NDST3: variants seen among roughly 807,000 people sequenced by gnomAD.
The protein encoded by NDST3 is bifunctional heparan sulfate N-deacetylase/N-sulfotransferase 3.
A neutral mutation model predicts 96.1 loss-of-function variants in NDST3; 58 were observed. The observed-to-expected ratio is 0.60, with a 90% CI of 0.49 to 0.75. The LOEUF (loss-of-function observed/expected upper bound fraction) is 0.75, where lower values mean the gene tolerates loss of function less well. Among genes scored for constraint, NDST3 ranks in the 30% least tolerant of loss-of-function variants. The pLI, the probability that NDST3 is intolerant of heterozygous loss-of-function variation, is 0.00. For missense variants in NDST3, 788 were observed against 1,034.2 expected (o/e 0.76, Z 3.27); for synonymous variants, 333 against 359.7 (o/e 0.93, Z 0.84).
chr4:118,252,898 G>C (rs973228557), intron 12 of NDST3, among the ~76,000 whole-genome samples: 1 of 151,616 alleles, frequency 6.6e-6, no homozygotes, highest in African/African-American at 2.4e-5. Flanking sequence ...TCTCAAAAAA[G>C]AGAAAGAAAA....
In NDST3 at chr4:118,242,127, T is replaced by C; in HGVS notation, c.2377T>C (p.Tyr793His). Residue 793 changes from tyrosine (Y) to histidine (H), a missense_variant, in exon 12 of 14, where the codon TAT becomes CAT. By Grantham distance (83) the Tyr-to-His change is moderately conservative. Around this residue, in one of 3 missense-constraint regions of NDST3, gnomAD observed 490 missense variants for 708.8 expected, o/e 0.69. Coordinates refer to ENST00000296499, the MANE Select transcript of NDST3 (RefSeq NM_004784.3). ...VQKFLGVLPHYNYSEALTFDS... is the reference protein window; with the variant it reads ...VQKFLGVLPHHNYSEALTFDS... ...GAAGTTTCTAGGAGTCTTGCCTCATTATAATTACTCAGAAGCTTTAACGTA... is the reference window on the plus strand; with the variant it reads ...GAAGTTTCTAGGAGTCTTGCCTCATCATAATTACTCAGAAGCTTTAACGTA... 1 of 1,603,080 alleles carries C rather than the reference T, an allele frequency of 6.2e-7. No individual in the cohort carries two copies. The highest frequency in any genetic ancestry group is 8.5e-7 in the Non-Finnish European group (1 of 1,170,452).
At chr4:118,051,219 C>T (rs1188125065) in intron 1 of NDST3, among the ~76,000 whole-genome samples, 1 of 151,938 alleles carries the variant, frequency 6.6e-6, no homozygotes, top group African/African-American at 2.4e-5. Flanking sequence ...CAAAAATTAA[C>T]TCAAGGTAAT....
rs1235910807 is a variant in NDST3 at position 118,255,733 on chromosome 4, C to G, written c.*21C>G. ...GATAGCACTGAGAGAAAACTTGAGA[C>G]TTCATCGTCCATGTAGAACACACCT... On this transcript the variant is annotated 3_prime_UTR_variant, in exon 14 of 14. Transcript: ENST00000296499. The G allele has an allele frequency of 2.5e-6, 4 of 1,600,760 alleles. No homozygotes were observed. In the Admixed American group the frequency reaches 6.9e-5, roughly 28 times the overall value.
intron 1 of NDST3, among the ~76,000 whole-genome samples, chr4:118,049,684 C>T (rs1006398852): frequency 6.6e-6 from 1 of 150,966 alleles, no homozygotes; most frequent in African/African-American, 2.4e-5. Flanking sequence ...GAGTTTGAAA[C>T]TCTGAAAAGA....
intron 4 of NDST3, among the ~76,000 whole-genome samples, chr4:118,127,603 T>C (rs533053513): frequency 6.6e-6 from 1 of 152,176 alleles, no homozygotes; most frequent in African/African-American, 2.4e-5. Flanking sequence ...AACTCCTTAG[T>C]ATAACGTGAA....
intron 5 of NDST3, among the ~76,000 whole-genome samples, chr4:118,140,974 T>C (rs1694618325): frequency 6.6e-6 from 1 of 152,202 alleles, no homozygotes; most frequent in South Asian, 2.1e-4. Context: ...ACTTACTGTT[T>C]TTAATGGAAA....
chr4:118,251,358 C>T (rs1741724144), intron 12 of NDST3, among the ~76,000 whole-genome samples: 1 of 151,686 alleles, frequency 6.6e-6, no homozygotes, highest in African/African-American at 2.4e-5. Flanking sequence ...GATCTCCTGA[C>T]CTCGTGATCC....
chr4:118,065,864 C>T (rs1465456050), intron 2 of NDST3, among the ~76,000 whole-genome samples: 2 of 150,540 alleles, frequency 1.3e-5, no homozygotes, highest in South Asian at 2.1e-4. Flanking sequence ...CTTTTTCCCC[C>T]CTTCATACAT....
chr4:118,086,584 C>CA (rs1461042309), intron 2 of NDST3, among the ~76,000 whole-genome samples: 7 of 152,018 alleles, frequency 4.6e-5, no homozygotes, highest in Admixed American at 1.3e-4. Flanking sequence ...GGCCTAAGGA[C>CA]AAAAAATCAC....
chr4:118,226,848 T>C (rs760486059), intron 7 of NDST3, 38 bp from the exon 8 acceptor site: 1 of 1,454,654 alleles, frequency 6.9e-7, no homozygotes, highest in Admixed American at 1.9e-5. Context: ...GACACATTCA[T>C]GAAAAAAAAT....
At chr4:118,250,759 T>C (rs1313530802) in intron 12 of NDST3, among the ~76,000 whole-genome samples, 1 of 152,174 alleles carries the variant, frequency 6.6e-6, no homozygotes, top group Non-Finnish European at 1.5e-5. Flanking sequence ...GCTGAGATTA[T>C]AGGCGTCAGC....
chr4:118,199,651 T>C (rs1317816325), intron 6 of NDST3, among the ~76,000 whole-genome samples: 1 of 152,120 alleles, frequency 6.6e-6, no homozygotes, highest in Non-Finnish European at 1.5e-5. Context: ...ATTGAAGAGT[T>C]AGGTATTTAT....
At chr4:118,189,722 T>C (rs1281207147) in intron 6 of NDST3, among the ~76,000 whole-genome samples, 1 of 152,210 alleles carries the variant, frequency 6.6e-6, no homozygotes, top group African/African-American at 2.4e-5. Context: ...CTCTCCTCTC[T>C]TCTATTTTTT....
chr4:118,193,848 G>C, intron 6 of NDST3: 1 of 1,265,192 alleles, frequency 7.9e-7, no homozygotes, highest in East Asian at 2.3e-5. Context: ...TGTGCCTTCT[G>C]TGTTTCCTCA....
At chr4:118,231,717 A>G (rs929366414) in intron 8 of NDST3, among the ~76,000 whole-genome samples, 3 of 152,154 alleles carry the variant, frequency 2.0e-5, no homozygotes, top group Non-Finnish European at 2.9e-5. Context: ...TTTCTCTCTT[A>G]GGAGTAGCCA....
At chr4:118,080,601 C>T (rs1727932889) in intron 2 of NDST3, among the ~76,000 whole-genome samples, 1 of 152,046 alleles carries the variant, frequency 6.6e-6, no homozygotes, top group Non-Finnish European at 1.5e-5. Flanking sequence ...TCACAAACTG[C>T]CCTCCATTTT....
chr4:118,145,827 A>C (rs1024297993), intron 6 of NDST3, among the ~76,000 whole-genome samples: 8 of 152,214 alleles, frequency 5.3e-5, no homozygotes. Flanking sequence ...AATAAATGAC[A>C]AATCTTGTCA....
At chr4:118,228,674 C>T (rs1740068585) in intron 8 of NDST3, among the ~76,000 whole-genome samples, 1 of 152,126 alleles carries the variant, frequency 6.6e-6, no homozygotes, top group South Asian at 2.1e-4. Flanking sequence ...GTTATGTCCA[C>T]CACCACATTC....
At chr4:118,042,878 CTCTG>C (rs1423720906) in intron 1 of NDST3, among the ~76,000 whole-genome samples, 1 of 152,208 alleles carries the variant, frequency 6.6e-6, no homozygotes, top group African/African-American at 2.4e-5. Context: ...CTCTCTTTCT[CTCTG>C]TCTCTCTCTC....
Sources: allele counts gnomAD v4.1 joint callset (sites outside exome capture counted in the v4.1 genomes callset), GRCh38; gene constraint gnomAD v4.1.1; regional missense constraint gnomAD v4.1.1; transcripts MANE v1.5; gene names NCBI Gene and HGNC (gene_info 2026-07-23, HGNC 2026-07-21).